Variants in WNK2 observed in about 807,000 individuals in gnomAD.
The protein encoded by WNK2 is WNK lysine deficient protein kinase 2, also known as serine/threonine-protein kinase WNK2.
In WNK2, 67 loss-of-function variants were observed where a neutral mutation model predicts 192.1. The observed-to-expected ratio is 0.35, with a 90% CI of 0.29 to 0.43. The LOEUF (loss-of-function observed/expected upper bound fraction) is 0.43. WNK2 is among the 20% of genes least tolerant of loss of function. The probability of loss-of-function intolerance (pLI) is 1.00; values close to 1 mark genes in which losing one functional copy is unlikely to be tolerated. For missense variants in WNK2, 2,698 were observed against 3,089.7 expected, an observed-to-expected ratio of 0.87 and a Z score of 3.01; for synonymous variants, 1,439 against 1,393.9, an observed-to-expected ratio of 1.03 and a Z score of -0.72.
In WNK2 at chr9:93,234,981, C is replaced by A. The variant is rs1012564381; in HGVS notation, c.1233+16C>A. ...GGTCACCTGTGTGAGTCCACCTGGC[C>A]CCTTGGTTAATTAATAAGGACACAG... On this transcript the variant is annotated intron_variant, in intron 5 of 29. Coordinates refer to ENST00000427277, the MANE Select transcript of WNK2 (RefSeq NM_006648.4). 1 of 1,613,682 alleles carries A rather than the reference C, an allele frequency of 6.2e-7. No homozygotes were observed. Among genetic ancestry groups the A allele is most frequent in the Non-Finnish European group, 8.5e-7 (1 of 1,179,744 alleles).
At chr9:93,256,623 A>T in intron 10 of WNK2, 169 bp downstream of exon 10, 1 of 824,676 alleles carries the variant, frequency 1.2e-6, no homozygotes. Context: ...TCGTATGTGC[A>T]TGTGTTTGTG....
Position 93,247,887 on chromosome 9 carries a change from A to G in WNK2, c.1834+53A>G, listed in dbSNP as rs565310898. On this transcript the variant is annotated intron_variant, in intron 8 of 29. Coordinates refer to ENST00000427277, the MANE Select transcript of WNK2 (RefSeq NM_006648.4). This position sits in a 1 kb window ranked among gnomAD's most constrained non-coding sequence, Gnocchi z 5.2. ...GGGCACCCCTCCCACCTACCCTGCA[A>G]AAACCAGCTATTGGGCAAAGAAAAA... The G allele has an allele frequency of 8.6e-6, 13 of 1,503,826 alleles. No homozygotes were observed. In the African/African-American group the frequency reaches 1.4e-4, roughly 16 times the overall value. The allele number at this position is 1,503,826 out of a possible 1,614,324, so 93.2% of individuals were successfully genotyped here.
intron 2 of WNK2, among the ~76,000 whole-genome samples, chr9:93,187,817 G>A (rs1006527496): frequency 6.6e-6 from 1 of 152,128 alleles, no homozygotes; most frequent in Non-Finnish European, 1.5e-5. Context: ...GCTGCTGGGC[G>A]TGTGGAACGG....
chr9:93,281,041 A>T (rs958211104), intron 19 of WNK2, among the ~76,000 whole-genome samples: 2 of 152,244 alleles, frequency 1.3e-5, no homozygotes, highest in African/African-American at 4.8e-5. Context: ...GTGGTGGCTG[A>T]AAGCAGATCA....
At chr9:93,307,639 A>T (rs571962644) in intron 27 of WNK2, 1 of 152,504 alleles carries the variant, frequency 6.6e-6, no homozygotes, top group South Asian at 2.1e-4. Flanking sequence ...GCCGCAGCCC[A>T]TGGCAGGAGC....
intron 19 of WNK2, among the ~76,000 whole-genome samples, chr9:93,278,340 G>A (rs1366334919): frequency 6.6e-6 from 1 of 152,214 alleles, no homozygotes; most frequent in African/African-American, 2.4e-5. Context: ...AGCACTGTGT[G>A]TGAGGAAACT....
intron 23 of WNK2, among the ~76,000 whole-genome samples, chr9:93,294,001 C>G (rs1004250844): frequency 4.6e-5 from 7 of 151,430 alleles, no homozygotes; most frequent in Admixed American, 2.0e-4. Flanking sequence ...TGTCTCTTTC[C>G]CTCATCCAGC....
rs565471429 is a variant in WNK2 at position 93,247,479 on chromosome 9, G to C, written c.1543-64G>C. On this transcript the variant is annotated intron_variant, in intron 7 of 29. Transcript: ENST00000427277. The surrounding 1 kb of genome is among the most constrained non-coding windows in gnomAD (Gnocchi z 5.2). ...AGCCAGTGATGGGAAAGCACTTTAG[G>C]TAAGGGGTGTGGGCCGGTGAGGGCT... The C allele has an allele frequency of 1.3e-6, 2 of 1,544,634 alleles. No homozygotes were observed. Among genetic ancestry groups the C allele is most frequent in the South Asian group, 1.2e-5 (1 of 83,208 alleles).
intron 19 of WNK2, among the ~76,000 whole-genome samples, chr9:93,278,851 A>G (rs1004592264): frequency 2.0e-5 from 3 of 152,234 alleles, no homozygotes; most frequent in Admixed American, 6.5e-5. Flanking sequence ...GTAATTCACC[A>G]TATTGATCAA....
At chr9:93,302,918 A>ACT (rs1352392190) in intron 26 of WNK2, among the ~76,000 whole-genome samples, 1 of 103,024 alleles carries the variant, frequency 9.7e-6, no homozygotes, top group African/African-American at 2.9e-5. Flanking sequence ...GCCCCAGAGC[A>ACT]GTCTCCCTTT....
rs545247958 is a variant in WNK2, at chr9:93,263,421, G to A, written c.3411-145G>A. 3.3e-5 allele frequency: 30 copies of A among 898,972 alleles called. No homozygotes were observed. In the African/African-American group the frequency reaches 1.1e-3, roughly 32 times the overall value. 55.7% of individuals were successfully genotyped at this position (898,972 alleles called of 1,614,324 possible). On this transcript the variant is annotated intron_variant, in intron 14 of 29. Transcript: ENST00000427277. ...GTGAGGGCCCAGAAGCAGGCTTGGGGTATTCGCACAGGACGGGCTGCCTCT... is the reference window on the plus strand; with the variant it reads ...GTGAGGGCCCAGAAGCAGGCTTGGGATATTCGCACAGGACGGGCTGCCTCT...
In WNK2 at chr9:93,239,206, G is replaced by C. The variant is rs1307711658; in HGVS notation, c.1323-551G>C. ...GCCTTCGAGGCTGGGTCTGGCTGGGGCCCCCCCAGTTCTGCAGGTCCTCAC... is the reference window on the plus strand; with the variant it reads ...GCCTTCGAGGCTGGGTCTGGCTGGGCCCCCCCCAGTTCTGCAGGTCCTCAC... On this transcript the variant is annotated intron_variant, in intron 6 of 29. Transcript: ENST00000427277. This position sits in a 1 kb window ranked among gnomAD's most constrained non-coding sequence, Gnocchi z 4.2. Among the ~76,000 whole-genome samples, 2 of 152,112 alleles carry C rather than the reference G, an allele frequency of 1.3e-5. No homozygotes were observed. The highest frequency in any genetic ancestry group is 2.9e-5 in the Non-Finnish European group (2 of 68,024).
intron 24 of WNK2, among the ~76,000 whole-genome samples, chr9:93,298,648 C>T (rs1426760898): frequency 1.3e-5 from 2 of 152,176 alleles, no homozygotes; most frequent in Admixed American, 1.3e-4. Context: ...GGGATGGAGC[C>T]CCTGTGAGCC....
At chr9:93,263,393 T>C in intron 14 of WNK2, 173 bp from the exon 15 acceptor site, 1 of 762,340 alleles carries the variant, frequency 1.3e-6, no homozygotes, top group South Asian at 1.7e-5. Flanking sequence ...AGCAGGGAGC[T>C]GGGTGAGGGC....
At chr9:93,318,461 A>G (rs1564254127) in intron 29 of WNK2, 1 of 1,614,128 alleles carries the variant, frequency 6.2e-7, no homozygotes, top group Non-Finnish European at 8.5e-7. Flanking sequence ...CTGCTTGCTC[A>G]GTAGGGAATG....
chr9:93,309,020 C>T (rs1021362440), intron 28 of WNK2: 1 of 1,003,368 alleles, frequency 1.0e-6, no homozygotes, highest in Admixed American at 5.6e-5. Flanking sequence ...CTCACACGCA[C>T]CTGAGCCAAT....
At chr9:93,203,775 A>G (rs1048799972) in intron 2 of WNK2, among the ~76,000 whole-genome samples, 1 of 152,186 alleles carries the variant, frequency 6.6e-6, no homozygotes, top group Non-Finnish European at 1.5e-5. Flanking sequence ...GGAACGAGGC[A>G]TCTCGAACTG....
chr9:93,264,702 A>C (rs979214040), intron 16 of WNK2, among the ~76,000 whole-genome samples: 1 of 152,222 alleles, frequency 6.6e-6, no homozygotes, highest in Non-Finnish European at 1.5e-5. Context: ...ACTGCCTCCC[A>C]GGAGAACATT....
chr9:93,238,175 G>A lies in WNK2; in HGVS notation c.1234-58G>A, dbSNP rs1369034506. The A allele has an allele frequency of 4.6e-6, 7 of 1,522,248 alleles. No homozygotes were observed. The African/African-American group carries it at 6.8e-5, about 15-fold the overall frequency. The allele number at this position is 1,522,248 out of a possible 1,614,324, so 94.3% of individuals were successfully genotyped here. A position where few individuals can be genotyped will look rare whatever the true frequency, so the allele number is the denominator to read the frequency against. On this transcript the variant is annotated intron_variant, in intron 5 of 29. Coordinates refer to ENST00000427277, the MANE Select transcript of WNK2 (RefSeq NM_006648.4). Reference sequence around the variant, plus strand: ...GAGTGGGAGTTCCTCCCACTGTGGTGGAGGCCTCGCCTTCCGGCAGCCGAT... The same window carrying A: ...GAGTGGGAGTTCCTCCCACTGTGGTAGAGGCCTCGCCTTCCGGCAGCCGAT...
Sources: allele counts gnomAD v4.1 joint callset (sites outside exome capture counted in the v4.1 genomes callset), GRCh38; gene constraint gnomAD v4.1.1; non-coding constraint Gnocchi (gnomAD v3.1); transcripts MANE v1.5; gene names NCBI Gene and HGNC (gene_info 2026-07-23, HGNC 2026-07-21).